The following DGKA variants were observed in gnomAD, a reference collection of about 807,000 sequenced individuals.
DGKA encodes the protein 80 kDa diacylglycerol kinase.
Under a neutral mutation model 105.0 loss-of-function variants are expected in DGKA, and 35 were observed. That is an observed-to-expected ratio of 0.33 (90% CI 0.25 to 0.44). The LOEUF (loss-of-function observed/expected upper bound fraction) is 0.44. Ranked by LOEUF, DGKA falls within the 20% of genes least tolerant of loss-of-function variation. The probability of loss-of-function intolerance (pLI) is 1.00; values close to 1 mark genes in which losing one functional copy is unlikely to be tolerated. For synonymous variants in DGKA, 296 were observed against 332.0 expected (o/e 0.89, Z 1.18); for missense variants, 665 against 915.0 (o/e 0.73, Z 3.53).
Position 55,952,748 on chromosome 12 carries a change from G to A in DGKA, c.1758G>A (p.Pro586=), listed in dbSNP as rs1271457838. The change falls in exon 21 of 24, where the codon CCG becomes CCA. Residue 586 remains proline, a synonymous_variant. Coordinates refer to ENST00000331886, the MANE Select transcript of DGKA (RefSeq NM_001345.5). The surrounding 1 kb of genome is among the most constrained non-coding windows in gnomAD (Gnocchi z 5.1). ...CCTCCTCTCAGATCTGTGGGAAACC[G>A]CTGGATCTGAGCAACCTGTCCCTAG... is the stretch of plus-strand genomic sequence containing the variant. The part of the protein sequence containing the change: ...ESLTVEICGK[P]LDLSNLSLEG... The A allele has an allele frequency of 5.0e-6, 8 of 1,613,962 alleles. No homozygotes were observed. In the East Asian group the frequency reaches 6.7e-5, roughly 13 times the overall value.
In DGKA at chr12:55,941,768, A is replaced by G. The variant is rs112193333; in HGVS notation, c.1250+184A>G. The stretch of plus-strand genomic sequence containing the variant: ...TCCCATCCTCCGAGCTCTCTGGCCC[A>G]TCTTTGTCCTGCTCTCAAAGAATGA... On this transcript the variant is annotated intron_variant, in intron 15 of 23. Transcript: ENST00000331886. Among the ~76,000 whole-genome samples the G allele has an allele frequency of 4.9e-3, 750 of 152,290 alleles. 10 individuals are homozygous for G. The highest frequency in any genetic ancestry group is 0.017 in the African/African-American group (722 of 41,554).
Position 55,945,089 on chromosome 12 carries a change from C to T in DGKA, c.1426+2826C>T, listed in dbSNP as rs183140757. Among the ~76,000 whole-genome samples, 32 of 152,290 alleles carry T rather than the reference C, an allele frequency of 2.1e-4. No homozygotes were observed. The East Asian group carries it at 4.8e-3, about 23-fold the overall frequency. On this transcript the variant is annotated intron_variant, in intron 17 of 23. Transcript: ENST00000331886. Reference sequence around the variant, plus strand: ...TGCTGGGATTATATGCGTGAGCCACCGTGCCCAACCTTGGGGTGGCATTTA... The same window carrying T: ...TGCTGGGATTATATGCGTGAGCCACTGTGCCCAACCTTGGGGTGGCATTTA...
intron 17 of DGKA, among the ~76,000 whole-genome samples, 199 bp from the exon 18 acceptor site, chr12:55,951,424 G>A (rs1359663574): frequency 6.6e-6 from 1 of 152,094 alleles, no homozygotes; most frequent in Non-Finnish European, 1.5e-5. Context: ...CACACACATT[G>A]GAAACATTCA....
intron 1 of DGKA, among the ~76,000 whole-genome samples, chr12:55,933,113 T>C (rs1883980289): frequency 6.6e-6 from 1 of 152,338 alleles, no homozygotes; most frequent in East Asian, 1.9e-4. Context: ...AATTTTAGTA[T>C]TTGATGTTTA....
In DGKA at chr12:55,932,258, A is replaced by G. The variant is rs1179509465; in HGVS notation, c.-82+914A>G. 2 of 435,804 alleles carry G rather than the reference A, an allele frequency of 4.6e-6. No individual in the cohort carries two copies. Among genetic ancestry groups the G allele is most frequent in the Non-Finnish European group, 8.5e-6 (2 of 235,818 alleles). The allele number at this position is 435,804 out of a possible 1,614,324, so 27.0% of individuals were successfully genotyped here. A position where few individuals can be genotyped will look rare whatever the true frequency, so the allele number is the denominator to read the frequency against. On this transcript the variant is annotated intron_variant, in intron 1 of 23. Coordinates refer to ENST00000331886, the MANE Select transcript of DGKA (RefSeq NM_001345.5). The surrounding 1 kb of genome is among the most constrained non-coding windows in gnomAD (Gnocchi z 4.3). ...AGGAAGCGTGACAGCTGGAGCGGGT[A>G]TCGAGAAGGGTCTGCGCTGGGACGC... is the stretch of plus-strand genomic sequence containing the variant.
intron 1 of DGKA, among the ~76,000 whole-genome samples, chr12:55,933,996 A>G (rs1884162561): frequency 6.6e-6 from 1 of 152,156 alleles, no homozygotes; most frequent in South Asian, 2.1e-4. Flanking sequence ...CACTTTACTG[A>G]TGAGAAAACT....
Position 55,940,553 on chromosome 12 carries a change from A to T in DGKA, c.919-71A>T. On this transcript the variant is annotated intron_variant, in intron 11 of 23. Coordinates refer to ENST00000331886, the MANE Select transcript of DGKA (RefSeq NM_001345.5). The surrounding 1 kb of genome is among the most constrained non-coding windows in gnomAD (Gnocchi z 4.3). The stretch of plus-strand genomic sequence containing the variant: ...GCCCCTGCTCCCAAGGGCTCTTTCC[A>T]GCCCAGACTGCCAGGTTGAGAGGAG... The T allele has an allele frequency of 1.9e-6, 3 of 1,561,230 alleles. No individual in the cohort carries two copies. Among genetic ancestry groups the T allele is most frequent in the Non-Finnish European group, 2.6e-6 (3 of 1,153,914 alleles).
At chr12:55,950,273 T>C (rs1248232964) in intron 17 of DGKA, among the ~76,000 whole-genome samples, 6 of 149,736 alleles carry the variant, frequency 4.0e-5, no homozygotes, top group African/African-American at 1.5e-4. Flanking sequence ...GCGCCCGGCC[T>C]ACACCTGGCT....
In DGKA at chr12:55,932,771, C is replaced by A. The variant is rs1883911416; in HGVS notation, c.-82+1427C>A. ...CCTCAGCCAGGTGTAGCACTGCAGT[C>A]TTCAGTGTTTGTGGAGGCTTAATAA... On this transcript the variant is annotated intron_variant, in intron 1 of 23. Coordinates refer to ENST00000331886, the MANE Select transcript of DGKA (RefSeq NM_001345.5). The surrounding 1 kb of genome is among the most constrained non-coding windows in gnomAD (Gnocchi z 4.3). 1 of 577,538 alleles carries A rather than the reference C, an allele frequency of 1.7e-6. No individual in the cohort carries two copies. The highest frequency in any genetic ancestry group is 3.1e-6 in the Non-Finnish European group (1 of 320,474). 35.8% of individuals were successfully genotyped at this position (577,538 alleles called of 1,614,324 possible).
At chr12:55,941,701 G>T (rs1886043471) in intron 15 of DGKA, 117 bp downstream of exon 15, 1 of 1,095,710 alleles carries the variant, frequency 9.1e-7, no homozygotes. Flanking sequence ...ATCCCCAAGA[G>T]GCCAGAATTC....
chr12:55,932,282 G>A lies in DGKA; in HGVS notation c.-82+938G>A, dbSNP rs772699. 7,478 of 519,512 alleles carry A rather than the reference G, an allele frequency of 0.014. 475 individuals are homozygous for A. Among genetic ancestry groups the A allele is most frequent in the African/African-American group, 0.13 (6,786 of 52,026 alleles). The allele number at this position is 519,512 out of a possible 1,614,324, so 32.2% of individuals were successfully genotyped here. On this transcript the variant is annotated intron_variant, in intron 1 of 23. Coordinates refer to ENST00000331886, the MANE Select transcript of DGKA (RefSeq NM_001345.5). This position sits in a 1 kb window ranked among gnomAD's most constrained non-coding sequence, Gnocchi z 4.3. ...TATCGAGAAGGGTCTGCGCTGGGAC[G>A]CGGGGGTGCAGCGGGAGGGCTGGGC...
rs1481575572 is a variant in DGKA, at chr12:55,932,316, G to A, written c.-82+972G>A. 4 of 559,018 alleles carry A rather than the reference G, an allele frequency of 7.2e-6. No individual in the cohort carries two copies. Among genetic ancestry groups the A allele is most frequent in the East Asian group, 6.0e-5 (2 of 33,346 alleles). 34.6% of individuals were successfully genotyped at this position (559,018 alleles called of 1,614,324 possible). On this transcript the variant is annotated intron_variant, in intron 1 of 23. Transcript: ENST00000331886. The surrounding 1 kb of genome is among the most constrained non-coding windows in gnomAD (Gnocchi z 4.3). ...CAGCGGGAGGGCTGGGCCCGAACCC[G>A]GTGGGTAACGTTTCCCAGACCTTCC...
intron 17 of DGKA, among the ~76,000 whole-genome samples, chr12:55,949,331 T>G (rs1230102394): frequency 1.3e-5 from 2 of 152,062 alleles, no homozygotes; most frequent in Admixed American, 6.6e-5. Flanking sequence ...CCTGAATAGC[T>G]GGGATTATGG....
chr12:55,938,333 G>A, intron 5 of DGKA, 178 bp from the exon 6 acceptor site: 1 of 806,748 alleles, frequency 1.2e-6, no homozygotes, highest in Non-Finnish European at 2.0e-6. Flanking sequence ...CACATTCACT[G>A]AGGGTAGAGT....
rs748318989 is a variant in DGKA at position 55,953,729 on chromosome 12, AC to A, written c.2176del (p.Arg726AlafsTer9). On this transcript the variant is annotated frameshift_variant, in exon 24 of 24. Transcript: ENST00000331886. LOFTEE classifies it high-confidence loss of function. ...ACCAGATGCCCATGCTCATGGGCCC[AC>A]CCCCCCGCTCCACCAATTTCTTTGG... ...KNQMPMLMGPPPRSTNFFGFL... is the reference protein window; with the variant it reads ...KNQMPMLMGPXPRSTNFFGFL... 4 of 1,613,140 alleles carry A rather than the reference AC, an allele frequency of 2.5e-6. No homozygotes were observed. The highest frequency in any genetic ancestry group is 2.2e-5 in the East Asian group (1 of 44,816).
intron 22 of DGKA, 29 bp downstream of exon 22, chr12:55,953,189 G>A: frequency 6.2e-7 from 1 of 1,613,932 alleles, no homozygotes; most frequent in East Asian, 2.2e-5. Flanking sequence ...GGGTCCCTGA[G>A]GGAAGGTGTG....
Position 55,932,502 on chromosome 12 carries a change from C to A in DGKA, c.-82+1158C>A. ...ACTTCCCACCCCATCCTCTCCCCAC[C>A]TGTCACTGGGAAGTTTCTGAAAATA... On this transcript the variant is annotated intron_variant, in intron 1 of 23. Transcript: ENST00000331886. The surrounding 1 kb of genome is among the most constrained non-coding windows in gnomAD (Gnocchi z 4.3). The A allele has an allele frequency of 1.4e-6, 1 of 701,994 alleles. No individual in the cohort carries two copies. The highest frequency in any genetic ancestry group is 2.6e-6 in the Non-Finnish European group (1 of 384,594). 43.5% of individuals were successfully genotyped at this position (701,994 alleles called of 1,614,324 possible). A position where few individuals can be genotyped will look rare whatever the true frequency, so the allele number is the denominator to read the frequency against.
At chr12:55,933,614 G>A (rs985226847) in intron 1 of DGKA, 10 of 152,212 alleles carry the variant, frequency 6.6e-5, no homozygotes, top group South Asian at 2.1e-4. Flanking sequence ...AGGAGCACTC[G>A]TTTCCAAGAT....
Position 55,932,691 on chromosome 12 carries a change from C to T in DGKA, c.-82+1347C>T. The T allele has an allele frequency of 1.5e-6, 1 of 653,580 alleles. No homozygotes were observed. The highest frequency in any genetic ancestry group is 1.6e-5 in the South Asian group (1 of 61,934). The allele number at this position is 653,580 out of a possible 1,614,324, so 40.5% of individuals were successfully genotyped here. On this transcript the variant is annotated intron_variant, in intron 1 of 23. Coordinates refer to ENST00000331886, the MANE Select transcript of DGKA (RefSeq NM_001345.5). This position sits in a 1 kb window ranked among gnomAD's most constrained non-coding sequence, Gnocchi z 4.3. Reference sequence around the variant, plus strand: ...CTCCTATACTACGCAATGACACCCTCTACACACACACACACACGCACACAC... The same window carrying T: ...CTCCTATACTACGCAATGACACCCTTTACACACACACACACACGCACACAC...
Sources: allele counts gnomAD v4.1 joint callset (sites outside exome capture counted in the v4.1 genomes callset), GRCh38; gene constraint gnomAD v4.1.1; non-coding constraint Gnocchi (gnomAD v3.1); transcripts MANE v1.5; gene names NCBI Gene and HGNC (gene_info 2026-07-23, HGNC 2026-07-21).